PRKG1: variants seen among roughly 807,000 people sequenced by gnomAD.
PRKG1 encodes the protein protein kinase cGMP-dependent 1.
PRKG1 carries 35 observed loss-of-function variants against 88.1 expected under a neutral mutation model. The ratio of observed to expected loss-of-function variants is 0.40; its 90% CI spans 0.30 to 0.53. PRKG1 has a LOEUF of 0.53. PRKG1 is among the 20% of genes least tolerant of loss of function. The pLI is 0.59. For missense variants in PRKG1, 540 were observed against 839.8 expected (o/e 0.64, Z 4.41); for synonymous variants, 303 against 292.5 (o/e 1.04, Z -0.37).
At chr10:52,293,314 AT>A (rs1421948746) in intron 17 of PRKG1, among the ~76,000 whole-genome samples, 14 of 151,720 alleles carry the variant, frequency 9.2e-5, no homozygotes, top group Admixed American at 5.3e-4. Context: ...AAGAATCAAT[AT>A]CGTGAAAATG....
intron 3 of PRKG1, among the ~76,000 whole-genome samples, chr10:51,800,811 TC>T (rs1417814187): frequency 6.6e-6 from 1 of 152,052 alleles, no homozygotes; most frequent in African/African-American, 2.4e-5. Context: ...ATCCTCTTTT[TC>T]TAAGGACACT....
At chr10:51,834,665 A>T (rs1443875118) in intron 4 of PRKG1, among the ~76,000 whole-genome samples, 1 of 147,652 alleles carries the variant, frequency 6.8e-6, no homozygotes, top group Non-Finnish European at 1.5e-5. Context: ...AGAAAGAAGG[A>T]AAGAAAGAAA....
At chr10:51,235,018 G>A (rs946803068) in intron 2 of PRKG1, among the ~76,000 whole-genome samples, 1 of 152,036 alleles carries the variant, frequency 6.6e-6, no homozygotes, top group African/African-American at 2.4e-5. Flanking sequence ...ACCAGAATAT[G>A]TCCTGGTCAT....
chr10:51,621,075 A>G (rs1005074309), intron 3 of PRKG1, among the ~76,000 whole-genome samples: 10 of 147,686 alleles, frequency 6.8e-5, no homozygotes, highest in African/African-American at 2.5e-4. Flanking sequence ...TCCTATATGT[A>G]TGAGTCATAA....
At chr10:51,011,833 G>T (rs896299593) in intron 1 of PRKG1, among the ~76,000 whole-genome samples, 1 of 152,168 alleles carries the variant, frequency 6.6e-6, no homozygotes, top group African/African-American at 2.4e-5. Flanking sequence ...TCATGCTGCT[G>T]ATAAAGACGT....
intron 1 of PRKG1, among the ~76,000 whole-genome samples, chr10:50,992,886 C>G (rs1445051043): frequency 6.6e-6 from 1 of 152,110 alleles, no homozygotes; most frequent in East Asian, 1.9e-4. Flanking sequence ...TGCCTTCATG[C>G]CCGCCTACCT....
chr10:51,002,329 A>G (rs943687383), intron 1 of PRKG1, among the ~76,000 whole-genome samples: 6 of 152,204 alleles, frequency 3.9e-5, no homozygotes, highest in Admixed American at 1.3e-4. Flanking sequence ...GATCTCCTTG[A>G]TAATTCTGTG....
chr10:52,218,946 A>C (rs1241405918), intron 9 of PRKG1, among the ~76,000 whole-genome samples: 1 of 152,174 alleles, frequency 6.6e-6, no homozygotes. Flanking sequence ...TTCTGTGTTG[A>C]ACCAAAGCTA....
At chr10:51,556,104 G>A (rs1837303184) in intron 3 of PRKG1, among the ~76,000 whole-genome samples, 1 of 151,950 alleles carries the variant, frequency 6.6e-6, no homozygotes, top group African/African-American at 2.4e-5. Context: ...TTCAAAAACT[G>A]TAACCCTGGA....
intron 3 of PRKG1, among the ~76,000 whole-genome samples, chr10:51,676,118 A>G (rs1051224605): frequency 6.6e-6 from 1 of 152,164 alleles, no homozygotes; most frequent in African/African-American, 2.4e-5. Flanking sequence ...AAACAAAAAA[A>G]AAAAGAAAAG....
At chr10:51,285,935 G>C (rs1403156826) in intron 2 of PRKG1, among the ~76,000 whole-genome samples, 1 of 152,004 alleles carries the variant, frequency 6.6e-6, no homozygotes, top group African/African-American at 2.4e-5. Flanking sequence ...AATGGGGCTT[G>C]TGAGGTAGGG....
chr10:51,168,157 T>C (rs997521507), intron 2 of PRKG1, among the ~76,000 whole-genome samples: 2 of 152,182 alleles, frequency 1.3e-5, no homozygotes, highest in Non-Finnish European at 2.9e-5. Flanking sequence ...GGGACACTTT[T>C]AGGGGATCCT....
intron 3 of PRKG1, among the ~76,000 whole-genome samples, chr10:51,533,715 G>A (rs1426837587): frequency 2.0e-5 from 3 of 151,796 alleles, no homozygotes; most frequent in Non-Finnish European, 4.4e-5. Context: ...GGAGCCAAGG[G>A]TATCCATGTA....
intron 3 of PRKG1, among the ~76,000 whole-genome samples, chr10:51,693,853 G>A (rs1427689241): frequency 6.6e-6 from 1 of 152,016 alleles, no homozygotes; most frequent in Admixed American, 6.6e-5. Flanking sequence ...TCAACCAAAG[G>A]AGTAAACTTT....
chr10:51,018,901 AT>A (rs1259934790), intron 1 of PRKG1, among the ~76,000 whole-genome samples: 6 of 152,164 alleles, frequency 3.9e-5, no homozygotes, highest in African/African-American at 1.4e-4. Flanking sequence ...CATTTATTTG[AT>A]TACTTAAATA....
intron 2 of PRKG1, among the ~76,000 whole-genome samples, chr10:51,351,698 G>T (rs757497019): frequency 6.6e-6 from 1 of 152,052 alleles, no homozygotes; most frequent in South Asian, 2.1e-4. Context: ...TAGGTTGTCT[G>T]TTCTCTCTGA....
At chr10:51,987,549 C>G (rs994472820) in intron 5 of PRKG1, among the ~76,000 whole-genome samples, 2 of 150,258 alleles carry the variant, frequency 1.3e-5, no homozygotes, top group South Asian at 2.1e-4. Context: ...CCCAGAAATT[C>G]TAAGTCACTA....
At chr10:51,701,702 A>C (rs1454213124) in intron 3 of PRKG1, among the ~76,000 whole-genome samples, 3 of 152,172 alleles carry the variant, frequency 2.0e-5, no homozygotes, top group Admixed American at 2.0e-4. Flanking sequence ...GTAACTTACA[A>C]GTTGAATATG....
chr10:52,183,572 AG>A (rs752492777), intron 9 of PRKG1, among the ~76,000 whole-genome samples: 23 of 152,220 alleles, frequency 1.5e-4, no homozygotes, highest in Non-Finnish European at 3.1e-4. Flanking sequence ...TCCTGGGCCT[AG>A]GCTCTTCACA....
Sources: allele counts gnomAD v4.1 joint callset (sites outside exome capture counted in the v4.1 genomes callset), GRCh38; gene constraint gnomAD v4.1.1; transcripts MANE v1.5; gene names NCBI Gene and HGNC (gene_info 2026-07-23, HGNC 2026-07-21).